The following ADAM10 variants were observed in gnomAD, a reference collection of about 807,000 sequenced individuals.
ADAM10 encodes ADAM metallopeptidase domain 10.
Under a neutral mutation model 90.1 loss-of-function variants are expected in ADAM10, and 17 were observed. The observed-to-expected ratio is 0.19, with a 90% confidence interval of 0.13 to 0.28. The LOEUF (loss-of-function observed/expected upper bound fraction) is 0.28. Ranked by LOEUF, ADAM10 falls within the 10% of genes least tolerant of loss-of-function variation. ADAM10 has a pLI of 1.00. For missense variants in ADAM10, 610 were observed against 914.3 expected, an observed-to-expected ratio of 0.67 and a Z score of 4.29; for synonymous variants, 310 against 298.6, an observed-to-expected ratio of 1.04 and a Z score of -0.40.
chr15:58,711,215 C>A (rs1178265426), intron 2 of ADAM10, among the ~76,000 whole-genome samples: 1 of 152,126 alleles, frequency 6.6e-6, no homozygotes, highest in Non-Finnish European at 1.5e-5. Context: ...TTTTTGGTTT[C>A]TTCTATATTA....
At chr15:58,691,676 C>CTTCTTTTTTTTTTTTTTTTTTTTTTT (rs746349800) in intron 2 of ADAM10, 1 of 196,352 alleles carries the variant, frequency 5.1e-6, no homozygotes, top group African/African-American at 4.5e-5. Context: ...ACTTCTTCTT[C>CTTCTTTTTTTTTTTTTTTTTTTTTTT]TTTTTTTTTT....
At chr15:58,613,835 GT>G (rs1595991137) in intron 11 of ADAM10, among the ~76,000 whole-genome samples, 2 of 152,154 alleles carry the variant, frequency 1.3e-5, no homozygotes, top group East Asian at 3.8e-4. Context: ...GCTGCAGAAG[GT>G]TGGGTGCAGT....
At chr15:58,656,238 T>C (rs1238854306) in intron 5 of ADAM10, among the ~76,000 whole-genome samples, 4 of 152,178 alleles carry the variant, frequency 2.6e-5, no homozygotes, top group East Asian at 3.8e-4. Flanking sequence ...CAATAGATCA[T>C]TGGATCTTCG....
rs146745590 is a variant in ADAM10, at chr15:58,717,671, T to C, written c.112A>G (p.Asn38Asp). 3.1e-6 allele frequency: 5 copies of C among 1,613,684 alleles called. No homozygotes were observed. The highest frequency in any genetic ancestry group is 4.2e-6 in the Non-Finnish European group (5 of 1,179,934). ...TGTTTTTGGTGTAATGAATCCACAT[T>C]GTAAGATAATCCTTCATAATGTCTG... ...YIRHYEGLSYNVDSLHQKHQR... is the reference protein window; with the variant it reads ...YIRHYEGLSYDVDSLHQKHQR... The change falls in exon 2 of 16, where the codon AAT becomes GAT. Residue 38 changes from asparagine to aspartate, a missense_variant. By Grantham distance (23) the Asn-to-Asp change is conservative. Transcript: ENST00000260408.
intron 4 of ADAM10, among the ~76,000 whole-genome samples, chr15:58,678,297 T>A (rs1378124224): frequency 6.6e-6 from 1 of 152,150 alleles, no homozygotes; most frequent in Non-Finnish European, 1.5e-5. Context: ...GTCAAAATGG[T>A]TAATGCTTGT....
chr15:58,692,294 A>G (rs1231973447), intron 2 of ADAM10: 1 of 607,770 alleles, frequency 1.6e-6, no homozygotes, highest in Non-Finnish European at 3.2e-6. Flanking sequence ...AGGCTCTTGT[A>G]GAATTCTCCA....
chr15:58,601,158 C>A (rs1480292297), intron 14 of ADAM10, among the ~76,000 whole-genome samples: 2 of 152,072 alleles, frequency 1.3e-5, no homozygotes. Flanking sequence ...TTCAAAAGTT[C>A]CAAGTACCTT....
intron 1 of ADAM10, among the ~76,000 whole-genome samples, chr15:58,743,001 T>A (rs1899665475): frequency 6.6e-6 from 1 of 152,004 alleles, no homozygotes; most frequent in African/African-American, 2.4e-5. Context: ...AAGGCTGCAG[T>A]GAGCTGACAT....
At chr15:58,603,774 A>G (rs955801521) in intron 14 of ADAM10, among the ~76,000 whole-genome samples, 5 of 151,102 alleles carry the variant, frequency 3.3e-5, no homozygotes, top group East Asian at 3.9e-4. Context: ...AGCAAAGTGT[A>G]TATGATTCCA....
At chr15:58,682,359 T>A in intron 2 of ADAM10, 45 bp from the exon 3 acceptor site, 1 of 1,591,274 alleles carries the variant, frequency 6.3e-7, no homozygotes. Context: ...ATTAAAAAGA[T>A]CCAAATTTTA....
intron 1 of ADAM10, among the ~76,000 whole-genome samples, chr15:58,730,012 A>G (rs1160550634): frequency 6.6e-6 from 1 of 151,986 alleles, no homozygotes; most frequent in Admixed American, 6.6e-5. Flanking sequence ...ACAAAAAAAA[A>G]AACTCATTGA....
At position 58,749,571 on chromosome 15, in the gene ADAM10, G is replaced by A. The variant is rs1333582393; in HGVS notation, c.-37C>T. On this transcript the variant is annotated 5_prime_UTR_variant, in exon 1 of 16. Coordinates refer to ENST00000260408, the MANE Select transcript of ADAM10 (RefSeq NM_001110.4). ...GCTGCCGCCGCCGCCGCCTCCTCACGGGTTAACAGCAGCACATCGATCCGG... is the reference window on the plus strand; with the variant it reads ...GCTGCCGCCGCCGCCGCCTCCTCACAGGTTAACAGCAGCACATCGATCCGG... 1 of 1,548,644 alleles carries A rather than the reference G, an allele frequency of 6.5e-7. No homozygotes were observed. The highest frequency in any genetic ancestry group is 2.0e-5 in the Admixed American group (1 of 50,802).
chr15:58,661,201 T>A lies in ADAM10; in HGVS notation c.585+3896A>T, dbSNP rs147029152. 9.8e-3 allele frequency among the ~76,000 whole-genome samples: 1,487 copies of A among 152,340 alleles called. 26 individuals carry two copies. The highest frequency in any genetic ancestry group is 0.034 in the African/African-American group (1,413 of 41,580). ...AGGTAATAATCTCTTGAAGGTTTTT[T>A]TAAATGAGAAAAAACTGCTTAATAT... On this transcript the variant is annotated intron_variant, in intron 5 of 15. Coordinates refer to ENST00000260408, the MANE Select transcript of ADAM10 (RefSeq NM_001110.4).
Position 58,647,253 on chromosome 15 carries a change from T to C in ADAM10, c.586-1049A>G, listed in dbSNP as rs1047583893. ...GCAAAGAGTAGACACTAAGTATTTT[T>C]TTTTTTTTTTTTTTTTTTTTTTTTT... On this transcript the variant is annotated intron_variant, in intron 5 of 15. Coordinates refer to ENST00000260408, the MANE Select transcript of ADAM10 (RefSeq NM_001110.4). Among the ~76,000 whole-genome samples the C allele has an allele frequency of 9.6e-3, 597 of 62,010 alleles. 59 individuals carry two copies. The highest frequency in any genetic ancestry group is 0.029 in the African/African-American group (566 of 19,688). 40.7% of individuals were successfully genotyped at this position (62,010 alleles called of 152,430 possible).
intron 2 of ADAM10, among the ~76,000 whole-genome samples, chr15:58,699,971 G>A (rs1898085016): frequency 1.3e-5 from 2 of 152,074 alleles, no homozygotes; most frequent in Admixed American, 1.3e-4. Context: ...CATCTTACCT[G>A]TAAAGACACA....
At chr15:58,646,238 A>G (rs1369773045) in intron 5 of ADAM10, 34 bp from the exon 6 acceptor site, 26 of 1,590,234 alleles carry the variant, frequency 1.6e-5, no homozygotes, top group Non-Finnish European at 2.2e-5. Context: ...GACAATTAGT[A>G]TGCTTCAATA....
intron 1 of ADAM10, among the ~76,000 whole-genome samples, chr15:58,741,008 T>C (rs1899595013): frequency 6.6e-6 from 1 of 152,190 alleles, no homozygotes; most frequent in Non-Finnish European, 1.5e-5. Flanking sequence ...TTTAGCACTT[T>C]TACAAATTAT....
At chr15:58,746,631 C>T (rs1336041259) in intron 1 of ADAM10, among the ~76,000 whole-genome samples, 1 of 152,114 alleles carries the variant, frequency 6.6e-6, no homozygotes, top group African/African-American at 2.4e-5. Context: ...AAGGAATTGG[C>T]CAGTCAGGGT....
At chr15:58,727,795 C>CA (rs1221985714) in intron 1 of ADAM10, among the ~76,000 whole-genome samples, 6 of 151,102 alleles carry the variant, frequency 4.0e-5, no homozygotes, top group South Asian at 2.1e-4. Flanking sequence ...CAAAACAAAA[C>CA]AAAAAAAATT....
Sources: gnomAD v4.1 joint callset for allele counts (sites outside exome capture counted in the v4.1 genomes callset) on GRCh38, gnomAD v4.1.1 for gene constraint, MANE v1.5 for transcripts, NCBI Gene and HGNC (gene_info 2026-07-23, HGNC 2026-07-21) for gene names.